The following SMCO2 variants were observed in gnomAD, a reference collection of about 807,000 sequenced individuals.
SMCO2 encodes the protein single-pass membrane protein with coiled-coil domains 2.
Under a neutral mutation model 29.5 loss-of-function variants are expected in SMCO2, and 25 were observed. That is an observed-to-expected ratio of 0.85 (90% confidence interval 0.62 to 1.18). The LOEUF (loss-of-function observed/expected upper bound fraction) is 1.18. Among genes scored for constraint, SMCO2 ranks in the 50% most tolerant of loss-of-function variants. The pLI, the probability that SMCO2 is intolerant of heterozygous loss-of-function variation, is 0.00. For missense variants in SMCO2, 348 were observed against 344.5 expected (o/e 1.01, Z -0.08); for synonymous variants, 117 against 123.3 (o/e 0.95, Z 0.34).
the SMCO2 span, among the ~76,000 whole-genome samples, chr12:27,430,842 C>T: frequency 6.6e-6 from 1 of 152,136 alleles, no homozygotes; most frequent in Admixed American, 6.6e-5. Context: ...AAGGTTACCC[C>T]ACCGCTCATA....
the SMCO2 span, among the ~76,000 whole-genome samples, chr12:27,433,268 G>A: frequency 5.3e-5 from 8 of 152,024 alleles, no homozygotes; most frequent in Non-Finnish European, 1.2e-4. Context: ...AGGATTGGTC[G>A]CTAACAAAAC....
chr12:27,466,779 T>C (rs1949501826), upstream of SMCO2: 1 of 152,250 alleles, frequency 6.6e-6, no homozygotes, highest in South Asian at 2.1e-4. Context: ...CCAAGTGAAA[T>C]GTTATAAAGG....
rs1949554532 is a variant in SMCO2, at chr12:27,473,031, G to A, written c.234+156G>A. On this transcript the variant is annotated intron_variant, in intron 3 of 7. Transcript: ENST00000298876. ...AAAGCTTGAAATCAGGAGGGAGGCA[G>A]GGAATATGGCATTGTTCCCACTGGA... is the stretch of plus-strand genomic sequence containing the variant. The A allele has an allele frequency of 5.0e-6, 3 of 603,306 alleles. No homozygotes were observed. The East Asian group carries it at 8.7e-5, about 17-fold the overall frequency. The allele number at this position is 603,306 out of a possible 1,614,324, so 37.4% of individuals were successfully genotyped here. A position where few individuals can be genotyped will look rare whatever the true frequency, so the allele number is the denominator to read the frequency against.
intron 2 of SMCO2, among the ~76,000 whole-genome samples, chr12:27,471,567 C>A (rs1046900585): frequency 3.3e-5 from 5 of 152,070 alleles, no homozygotes; most frequent in African/African-American, 9.7e-5. Flanking sequence ...CTCTCTCCAG[C>A]AAAATATTAA....
At chr12:27,452,332 G>A in the SMCO2 span, among the ~76,000 whole-genome samples, 8 of 152,126 alleles carry the variant, frequency 5.3e-5, no homozygotes, top group East Asian at 7.7e-4. Context: ...ATTTCTCATC[G>A]TCCACTCCCC....
chr12:27,474,557 A>G (rs1446432000), intron 3 of SMCO2, among the ~76,000 whole-genome samples: 1 of 152,130 alleles, frequency 6.6e-6, no homozygotes, highest in Non-Finnish European at 1.5e-5. Context: ...AGGACTGAAA[A>G]GAGCTCTCCG....
intron 5 of SMCO2, among the ~76,000 whole-genome samples, chr12:27,492,457 G>T (rs928719091): frequency 2.6e-5 from 4 of 152,156 alleles, no homozygotes; most frequent in African/African-American, 4.8e-5. Flanking sequence ...CAGCACTTTG[G>T]GGGGCCAAGA....
intron 1 of SMCO2, among the ~76,000 whole-genome samples, chr12:27,469,314 A>G (rs1353220137): frequency 6.6e-6 from 1 of 152,204 alleles, no homozygotes; most frequent in Non-Finnish European, 1.5e-5. Flanking sequence ...GGATGGTGCC[A>G]TCACACATCA....
At chr12:27,460,595 G>T in the SMCO2 span, among the ~76,000 whole-genome samples, 1 of 152,076 alleles carries the variant, frequency 6.6e-6, no homozygotes, top group African/African-American at 2.4e-5. Context: ...GAGAAGCCGG[G>T]GGTTGGTCTT....
chr12:27,477,209 GGTTTTTTTTTTT>G (rs1382719165), intron 4 of SMCO2, among the ~76,000 whole-genome samples: 37 of 134,062 alleles, frequency 2.8e-4, no homozygotes, highest in African/African-American at 7.4e-4. Flanking sequence ...TTGGCTGTCA[GGTTTTTTTTTTT>G]TTTTTTTTTT....
intron 5 of SMCO2, among the ~76,000 whole-genome samples, chr12:27,491,216 T>G (rs946617054): frequency 4.0e-5 from 6 of 151,690 alleles, no homozygotes; most frequent in Non-Finnish European, 4.4e-5. Flanking sequence ...GGAGGGAAAA[T>G]TGGTGAAATT....
Position 27,494,292 on chromosome 12 carries a change from GT to G in SMCO2, c.451-3del. The G allele has an allele frequency of 6.8e-7, 1 of 1,474,366 alleles. No individual in the cohort carries two copies. Among genetic ancestry groups the G allele is most frequent in the Non-Finnish European group, 9.0e-7 (1 of 1,108,404 alleles). 91.3% of individuals were successfully genotyped at this position (1,474,366 alleles called of 1,614,324 possible). A position where few individuals can be genotyped will look rare whatever the true frequency, so the allele number is the denominator to read the frequency against. The stretch of plus-strand genomic sequence containing the variant: ...TCATTTTACCCAGAATTGTGGATGT[GT>G]TTTTAGGTGAATACTTGTAATGAAG... On this transcript the variant is annotated splice_polypyrimidine_tract_variant and splice_region_variant and intron_variant, in intron 5 of 7. Coordinates refer to ENST00000298876, the Ensembl canonical transcript of SMCO2.
At chr12:27,432,290 C>T in the SMCO2 span, among the ~76,000 whole-genome samples, 2 of 151,942 alleles carry the variant, frequency 1.3e-5, no homozygotes, top group South Asian at 2.1e-4. Flanking sequence ...TCTATTTTTG[C>T]TTTTGTTGCT....
intron 2 of SMCO2, among the ~76,000 whole-genome samples, chr12:27,472,413 T>C (rs1949548496): frequency 6.6e-6 from 1 of 152,190 alleles, no homozygotes; most frequent in African/African-American, 2.4e-5. Context: ...TCTCTGCCCA[T>C]TTAAACCACA....
intron 2 of SMCO2, 142 bp downstream of exon 2, chr12:27,470,907 T>C: frequency 9.6e-7 from 1 of 1,039,624 alleles, no homozygotes; most frequent in Non-Finnish European, 1.3e-6. Context: ...AATTTTAATC[T>C]CATGAATATT....
intron 5 of SMCO2, among the ~76,000 whole-genome samples, chr12:27,489,320 AT>A (rs2135568684): frequency 6.6e-6 from 1 of 152,290 alleles, no homozygotes; most frequent in African/African-American, 2.4e-5. Context: ...AAGTGCTGGG[AT>A]TACAGGCATG....
rs141344808 is a variant in SMCO2 at position 27,479,341 on chromosome 12, G to C, written c.362+4428G>C. On this transcript the variant is annotated intron_variant, in intron 4 of 7. Coordinates refer to ENST00000298876, the Ensembl canonical transcript of SMCO2. ...CACAGGTGCCAGTAGTGGCTAGTGG[G>C]TGGACCTGTCATCTGGCCCCAGGAT... 9.9e-5 allele frequency among the ~76,000 whole-genome samples: 15 copies of C among 152,182 alleles called. No individual in the cohort carries two copies. The East Asian group carries it at 2.9e-3, about 29-fold the overall frequency.
chr12:27,484,918 C>T (rs528674943), intron 4 of SMCO2, among the ~76,000 whole-genome samples: 2 of 144,134 alleles, frequency 1.4e-5, no homozygotes, highest in South Asian at 2.2e-4. Flanking sequence ...TTTATATGAT[C>T]GACCTTCATG....
the SMCO2 span, among the ~76,000 whole-genome samples, chr12:27,439,607 A>G: frequency 6.6e-6 from 1 of 152,170 alleles, no homozygotes; most frequent in South Asian, 2.1e-4. Context: ...ACACAGAAAA[A>G]CAATTCAGAA....
Sources: gnomAD v4.1 joint callset for allele counts (sites outside exome capture counted in the v4.1 genomes callset) on GRCh38, gnomAD v4.1.1 for gene constraint, MANE v1.5 for transcripts, NCBI Gene and HGNC (gene_info 2026-07-23, HGNC 2026-07-21) for gene names.